BMP7: variants seen among roughly 807,000 people sequenced by gnomAD.
BMP7 encodes the protein bone morphogenetic protein 7.
Under a neutral mutation model 41.2 loss-of-function variants are expected in BMP7, and 12 were observed. That is an observed-to-expected ratio of 0.29 (90% CI 0.19 to 0.47). The LOEUF is 0.47. BMP7 is among the 20% of genes least tolerant of loss of function. BMP7 has a pLI of 0.99. For missense variants in BMP7, 467 were observed against 606.0 expected, an observed-to-expected ratio of 0.77 and a Z score of 2.41; for synonymous variants, 248 against 250.0, an observed-to-expected ratio of 0.99 and a Z score of 0.07.
At chr20:57,188,086 T>C (rs1390464957) in intron 3 of BMP7, among the ~76,000 whole-genome samples, 1 of 152,124 alleles carries the variant, frequency 6.6e-6, no homozygotes, top group East Asian at 1.9e-4. Context: ...GACCCAACAA[T>C]TCCACTCCTA....
chr20:57,258,600 C>T (rs183473533), intron 1 of BMP7, among the ~76,000 whole-genome samples: 13 of 152,282 alleles, frequency 8.5e-5, no homozygotes, highest in Non-Finnish European at 1.8e-4. Context: ...TTCCGGTATA[C>T]CCTCTCACTG....
chr20:57,209,252 TA>T lies in BMP7; in HGVS notation c.612-6630del, dbSNP rs1568715465. Among the ~76,000 whole-genome samples, 21 of 62,972 alleles carry T rather than the reference TA, an allele frequency of 3.3e-4. 1 individual carries two copies. Among genetic ancestry groups the T allele is most frequent in the South Asian group, 1.9e-3 (4 of 2,060 alleles). The allele number at this position is 62,972 out of a possible 152,430, so 41.3% of individuals were successfully genotyped here. ...AAATACCTAGATTTATATATTTTTA[TA>T]TATATATATATATATATATATATAT... On this transcript the variant is annotated intron_variant, in intron 2 of 6. Transcript: ENST00000395863.
chr20:57,252,524 T>C (rs1295145603), intron 1 of BMP7, among the ~76,000 whole-genome samples: 1 of 152,242 alleles, frequency 6.6e-6, no homozygotes, highest in Non-Finnish European at 1.5e-5. Context: ...GAGGGGCCAG[T>C]CCTCGATGTG....
At chr20:57,249,733 C>T (rs888113601) in intron 1 of BMP7, among the ~76,000 whole-genome samples, 7 of 152,192 alleles carry the variant, frequency 4.6e-5, no homozygotes, top group South Asian at 4.1e-4. Context: ...AGGCCATTGT[C>T]ATGTTCTCCA....
chr20:57,250,371 C>G (rs2123141590), intron 1 of BMP7, among the ~76,000 whole-genome samples: 1 of 144,330 alleles, frequency 6.9e-6, no homozygotes, highest in South Asian at 2.2e-4. Context: ...TATATATACA[C>G]ACACAAAAAA....
At chr20:57,225,937 G>A (rs1304380342) in intron 2 of BMP7, 1 of 471,240 alleles carries the variant, frequency 2.1e-6, no homozygotes, top group East Asian at 6.9e-5. Context: ...GATGCCCTCA[G>A]GCATGGCATG....
intron 2 of BMP7, among the ~76,000 whole-genome samples, chr20:57,207,064 C>T (rs1474230941): frequency 6.6e-6 from 1 of 152,188 alleles, no homozygotes; most frequent in Non-Finnish European, 1.5e-5. Context: ...GAGTCTGTTC[C>T]CCACCTCTGA....
Position 57,169,007 on chromosome 20 carries a change from CTA to C in BMP7, c.*1950_*1951del, listed in dbSNP as rs1309498422. On this transcript the variant is annotated 3_prime_UTR_variant, in exon 7 of 7. Coordinates refer to ENST00000395863, the MANE Select transcript of BMP7 (RefSeq NM_001719.3). ...AAATAATCTCTTTGCTTTGTAACAACTATTTACAGGTTTAAATGTACAAATGA... is the reference window on the plus strand; with the variant it reads ...AAATAATCTCTTTGCTTTGTAACAACTTTACAGGTTTAAATGTACAAATGA... The C allele has an allele frequency of 6.6e-6, 1 of 152,032 alleles. No individual in the cohort carries two copies. Among genetic ancestry groups the C allele is most frequent in the Non-Finnish European group, 1.5e-5 (1 of 68,030 alleles). 9.4% of individuals were successfully genotyped at this position (152,032 alleles called of 1,614,324 possible).
intron 1 of BMP7, among the ~76,000 whole-genome samples, chr20:57,234,958 G>A (rs779226380): frequency 6.6e-5 from 10 of 152,244 alleles, no homozygotes; most frequent in African/African-American, 1.4e-4. Context: ...TTTCCACAAC[G>A]TGAATGCACC....
At chr20:57,248,648 A>T (rs1406064047) in intron 1 of BMP7, among the ~76,000 whole-genome samples, 1 of 152,216 alleles carries the variant, frequency 6.6e-6, no homozygotes, top group Non-Finnish European at 1.5e-5. Context: ...ATGCTTGGAC[A>T]GTATCACTGA....
intron 1 of BMP7, among the ~76,000 whole-genome samples, chr20:57,250,335 TA>T (rs368828537): frequency 1.5e-5 from 2 of 133,814 alleles, no homozygotes; most frequent in South Asian, 4.8e-4. Flanking sequence ...ATATAATATA[TA>T]ATATATATCT....
At position 57,261,702 on chromosome 20, in the gene BMP7, G is replaced by C. The variant is rs917744716; in HGVS notation, c.418+4003C>G. ...GCTCACCAGTGAGGGCCGGCGCTCC[G>C]AGTGCTGGAATGTGGAGCAGCCCCT... On this transcript the variant is annotated intron_variant, in intron 1 of 6. Coordinates refer to ENST00000395863, the MANE Select transcript of BMP7 (RefSeq NM_001719.3). This position sits in a 1 kb window ranked among gnomAD's most constrained non-coding sequence, Gnocchi z 4.1. Among the ~76,000 whole-genome samples, 1 of 152,180 alleles carries C rather than the reference G, an allele frequency of 6.6e-6. No individual in the cohort carries two copies. Among genetic ancestry groups the C allele is most frequent in the Non-Finnish European group, 1.5e-5 (1 of 68,032 alleles).
At chr20:57,210,507 C>A (rs369706324) in intron 2 of BMP7, among the ~76,000 whole-genome samples, 1 of 152,216 alleles carries the variant, frequency 6.6e-6, no homozygotes, top group Non-Finnish European at 1.5e-5. Flanking sequence ...CTTCACCCAC[C>A]ACCCGCCTCC....
chr20:57,246,777 T>C (rs931325553), intron 1 of BMP7, among the ~76,000 whole-genome samples: 1 of 152,112 alleles, frequency 6.6e-6, no homozygotes, highest in Non-Finnish European at 1.5e-5. Flanking sequence ...TCACCTGAGG[T>C]TGGGAGTTCA....
intron 1 of BMP7, among the ~76,000 whole-genome samples, chr20:57,244,678 C>T (rs1191789172): frequency 6.6e-6 from 1 of 152,230 alleles, no homozygotes; most frequent in Non-Finnish European, 1.5e-5. Flanking sequence ...AATTCAAGGA[C>T]ATGGAGGCTG....
chr20:57,252,496 C>G (rs2066117750), intron 1 of BMP7, among the ~76,000 whole-genome samples: 1 of 152,148 alleles, frequency 6.6e-6, no homozygotes, highest in Non-Finnish European at 1.5e-5. Flanking sequence ...TGAGGAACGT[C>G]CGAAGATAAA....
chr20:57,192,155 TATAC>T (rs1984377835), intron 3 of BMP7, among the ~76,000 whole-genome samples: 1 of 126,364 alleles, frequency 7.9e-6, no homozygotes, highest in Non-Finnish European at 1.6e-5. Flanking sequence ...AATATATAGT[TATAC>T]ATAGATATAT....
At chr20:57,262,328 C>T (rs1422774988) in intron 1 of BMP7, among the ~76,000 whole-genome samples, 2 of 152,190 alleles carry the variant, frequency 1.3e-5, no homozygotes, top group Admixed American at 6.5e-5. Flanking sequence ...TGCCATTGAA[C>T]TTAAGGGGCC....
At chr20:57,191,796 T>TTA (rs1279620965) in intron 3 of BMP7, among the ~76,000 whole-genome samples, 3 of 143,516 alleles carry the variant, frequency 2.1e-5, no homozygotes, top group African/African-American at 7.7e-5. Context: ...TTATATATTT[T>TTA]TATATTATAG....
Sources: allele counts gnomAD v4.1 joint callset (sites outside exome capture counted in the v4.1 genomes callset), GRCh38; gene constraint gnomAD v4.1.1; non-coding constraint Gnocchi (gnomAD v3.1); transcripts MANE v1.5; gene names NCBI Gene and HGNC (gene_info 2026-07-23, HGNC 2026-07-21).